The following ST3GAL6 variants were observed in gnomAD, a reference collection of about 807,000 sequenced individuals.
ST3GAL6 encodes type 2 lactosamine alpha-2,3-sialyltransferase.
In ST3GAL6, 31 loss-of-function variants were observed where a neutral mutation model predicts 40.5. That is an observed-to-expected ratio of 0.77 (90% confidence interval 0.58 to 1.03). The LOEUF is 1.03. Ranked by LOEUF, ST3GAL6 falls within the 50% of genes least tolerant of loss-of-function variation. The pLI is 0.00. For missense variants in ST3GAL6, 357 were observed against 393.2 expected, an observed-to-expected ratio of 0.91 and a Z score of 0.78; for synonymous variants, 129 against 136.9, an observed-to-expected ratio of 0.94 and a Z score of 0.40.
In ST3GAL6 at chr3:98,768,549, T is replaced by A. The variant is rs1392824363; in HGVS notation, c.89+20T>A. ...CTATTGGTAAGTTTCATTTTGTTAT[T>A]TAAAAATAACTCTCAACCTAGTCTT... is the stretch of plus-strand genomic sequence containing the variant. On this transcript the variant is annotated intron_variant, in intron 2 of 9. Transcript: ENST00000483910. 6.4e-7 allele frequency: 1 copy of A among 1,562,630 alleles called. No individual in the cohort carries two copies. Among genetic ancestry groups the A allele is most frequent in the Non-Finnish European group, 8.8e-7 (1 of 1,134,026 alleles).
intron 2 of ST3GAL6, among the ~76,000 whole-genome samples, chr3:98,769,320 C>G (rs762902100): frequency 5.3e-5 from 8 of 152,158 alleles, no homozygotes; most frequent in Non-Finnish European, 8.8e-5. Flanking sequence ...GGACGTTAGG[C>G]AAATGGCCAC....
intron 1 of ST3GAL6, chr3:98,756,255 C>A (rs1415497294): frequency 1.3e-5 from 11 of 830,958 alleles, no homozygotes; most frequent in Non-Finnish European, 1.7e-5. Flanking sequence ...TTTAGGAGAT[C>A]AGAAGTGAGT....
chr3:98,783,500 C>T, intron 5 of ST3GAL6: 1 of 929,880 alleles, frequency 1.1e-6, no homozygotes, highest in Non-Finnish European at 1.3e-6. Context: ...GGACATCAGC[C>T]ACATTTGAAC....
intron 7 of ST3GAL6, 24 bp from the exon 8 acceptor site, chr3:98,788,302 A>G (rs764202625): frequency 1.2e-6 from 2 of 1,600,620 alleles, no homozygotes; most frequent in Non-Finnish European, 1.7e-6. Context: ...ACACTGTTCT[A>G]TTCTCTATAT....
intron 9 of ST3GAL6, 116 bp from the exon 10 acceptor site, chr3:98,793,559 G>A (rs565625461): frequency 5.1e-5 from 30 of 589,956 alleles, no homozygotes; most frequent in East Asian, 9.1e-5. Flanking sequence ...CATGCAACTC[G>A]TTACTTAACA....
At chr3:98,761,138 G>A (rs1055187902), upstream of ST3GAL6, among the ~76,000 whole-genome samples, 9 of 152,144 alleles carry the variant, frequency 5.9e-5, no homozygotes, top group Admixed American at 4.6e-4. Flanking sequence ...GACTTCAGTG[G>A]TTGTTACCTG....
chr3:98,753,246 C>T (rs899639911), intron 1 of ST3GAL6, among the ~76,000 whole-genome samples: 4 of 152,158 alleles, frequency 2.6e-5, no homozygotes, highest in Non-Finnish European at 5.9e-5. Flanking sequence ...TCAAACAAGC[C>T]ACAAAATTTT....
intron 1 of ST3GAL6, among the ~76,000 whole-genome samples, chr3:98,741,419 G>A (rs1936077468): frequency 6.6e-6 from 1 of 152,156 alleles, no homozygotes; most frequent in East Asian, 1.9e-4. Context: ...TTGTGGGAGG[G>A]GAATTGGGGG....
intron 1 of ST3GAL6, among the ~76,000 whole-genome samples, chr3:98,750,510 C>G (rs1279387169): frequency 6.6e-6 from 1 of 152,040 alleles, no homozygotes; most frequent in Non-Finnish European, 1.5e-5. Context: ...TTCCTGTTCA[C>G]CCTAAATTCT....
rs1941437975 is a variant in ST3GAL6 at position 98,794,341 on chromosome 3, A to T, written c.*580A>T. The T allele has an allele frequency of 6.6e-6, 1 of 152,222 alleles. No individual in the cohort carries two copies. Among genetic ancestry groups the T allele is most frequent in the Non-Finnish European group, 1.5e-5 (1 of 68,042 alleles). 9.4% of individuals were successfully genotyped at this position (152,222 alleles called of 1,614,324 possible). A position where few individuals can be genotyped will look rare whatever the true frequency, so the allele number is the denominator to read the frequency against. ...TTAAGTTAAAGGAAATGGGCTAAAC[A>T]TAAAGTTCTTATTAGATAAGTAAAT... On this transcript the variant is annotated 3_prime_UTR_variant, in exon 10 of 10. Transcript: ENST00000483910.
intron 5 of ST3GAL6, chr3:98,782,210 C>T (rs1210028795): frequency 1.0e-5 from 7 of 696,126 alleles, no homozygotes; most frequent in Non-Finnish European, 1.6e-5. Context: ...TATTTAGAAA[C>T]AGAGAGCCCA....
chr3:98,763,333 G>A (rs1937984423), upstream of ST3GAL6: 2 of 1,289,774 alleles, frequency 1.6e-6, no homozygotes, highest in South Asian at 1.2e-5. Context: ...AGTCTGGAGT[G>A]TATGTCAGTG....
At chr3:98,747,281 C>A (rs929904197) in intron 1 of ST3GAL6, among the ~76,000 whole-genome samples, 1 of 152,124 alleles carries the variant, frequency 6.6e-6, no homozygotes, top group African/African-American at 2.4e-5. Flanking sequence ...GTTTTGTTTT[C>A]AACAGCGTTA....
chr3:98,763,055 G>A (rs1223049600), upstream of ST3GAL6: 3 of 985,254 alleles, frequency 3.0e-6, no homozygotes, highest in African/African-American at 1.7e-5. Flanking sequence ...GAATTGAGGA[G>A]GACTGAGGCC....
At chr3:98,747,666 A>C (rs1936661813) in intron 1 of ST3GAL6, among the ~76,000 whole-genome samples, 1 of 152,228 alleles carries the variant, frequency 6.6e-6, no homozygotes, top group African/African-American at 2.4e-5. Context: ...ATTTAAAAAG[A>C]ATGAACCAGA....
At chr3:98,742,341 T>G (rs1200933208) in intron 1 of ST3GAL6, among the ~76,000 whole-genome samples, 1 of 152,222 alleles carries the variant, frequency 6.6e-6, no homozygotes, top group Non-Finnish European at 1.5e-5. Context: ...TTGTGGTGTT[T>G]CCTCTTCCTT....
Position 98,791,833 on chromosome 3 carries a change from TC to T in ST3GAL6, c.757-3del. 1 of 1,593,702 alleles carries T rather than the reference TC, an allele frequency of 6.3e-7. No individual in the cohort carries two copies. The highest frequency in any genetic ancestry group is 1.1e-5 in the South Asian group (1 of 87,986). On this transcript the variant is annotated splice_region_variant and splice_polypyrimidine_tract_variant and intron_variant, in intron 8 of 9. Transcript: ENST00000483910. ...GCTTAAAAAAGTTTTTTTCATCCCC[TC>T]CCCCAGAAACCTAAACACCCAACAA...
chr3:98,760,108 G>T (rs1470006472), upstream of ST3GAL6, among the ~76,000 whole-genome samples: 1 of 152,160 alleles, frequency 6.6e-6, no homozygotes, highest in African/African-American at 2.4e-5. Context: ...ACTTTCAAAG[G>T]TCAAGCCCTA....
In ST3GAL6 at chr3:98,791,917, G is replaced by T; in HGVS notation, c.833G>T (p.Gly278Val). 1 of 1,613,974 alleles carries T rather than the reference G, an allele frequency of 6.2e-7. No homozygotes were observed. The highest frequency in any genetic ancestry group is 8.5e-7 in the Non-Finnish European group (1 of 1,179,914). ...FYICHEVHLA[G>V]FKYNFSDLKS... ...ATATGTCACGAAGTTCACCTAGCTG[G>T]TTTTAAATACAACTTTTCTGACCTC... The change falls in exon 9 of 10, where the codon GGT (glycine) becomes GTT (valine). Residue 278 changes from glycine (G) to valine (V), a missense_variant. Physicochemically the swap from Gly to Val is moderately radical, Grantham distance 109. Transcript: ENST00000483910.
Sources: gnomAD v4.1 joint callset for allele counts (sites outside exome capture counted in the v4.1 genomes callset) on GRCh38, gnomAD v4.1.1 for gene constraint, MANE v1.5 for transcripts, NCBI Gene and HGNC (gene_info 2026-07-23, HGNC 2026-07-21) for gene names.